DOK6: variants seen among roughly 807,000 people sequenced by gnomAD.
The protein encoded by DOK6 is downstream of tyrosine kinase 6.
A neutral mutation model predicts 44.0 loss-of-function variants in DOK6; 22 were observed. The observed-to-expected ratio is 0.50, with a 90% CI of 0.36 to 0.71. The LOEUF is 0.71. Among genes scored for constraint, DOK6 ranks in the 30% least tolerant of loss-of-function variants. The probability of loss-of-function intolerance (pLI) is 0.00; values close to 1 mark genes in which losing one functional copy is unlikely to be tolerated. For synonymous variants in DOK6, 166 were observed against 145.5 expected, an observed-to-expected ratio of 1.14 and a Z score of -1.01; for missense variants, 340 against 416.4, an observed-to-expected ratio of 0.82 and a Z score of 1.60.
intron 2 of DOK6, among the ~76,000 whole-genome samples, chr18:69,569,828 C>T (rs1300754637): frequency 6.6e-6 from 1 of 151,776 alleles, no homozygotes; most frequent in Non-Finnish European, 1.5e-5. Context: ...AAATGTTGTA[C>T]GTATACACCA....
chr18:69,444,237 C>T (rs928516166), intron 1 of DOK6, among the ~76,000 whole-genome samples: 6 of 152,214 alleles, frequency 3.9e-5, no homozygotes, highest in African/African-American at 1.4e-4. Context: ...GAGAGCACGG[C>T]ACTCATCATT....
intron 1 of DOK6, among the ~76,000 whole-genome samples, chr18:69,440,361 G>C (rs1396596439): frequency 6.6e-6 from 1 of 152,162 alleles, no homozygotes. Context: ...AGCACATGCT[G>C]TTGGAAAAAT....
chr18:69,782,926 T>A (rs2145091122), intron 7 of DOK6, among the ~76,000 whole-genome samples: 1 of 152,364 alleles, frequency 6.6e-6, no homozygotes, highest in South Asian at 2.1e-4. Context: ...GATTCTCATT[T>A]CAGTAGCCAG....
At chr18:69,506,875 GCA>G (rs35233817) in intron 1 of DOK6, among the ~76,000 whole-genome samples, 7 of 149,988 alleles carry the variant, frequency 4.7e-5, no homozygotes, top group Non-Finnish European at 5.9e-5. Flanking sequence ...TGTTGAAAAT[GCA>G]CACACACACA....
At chr18:69,778,425 C>G (rs554469379) in intron 7 of DOK6, among the ~76,000 whole-genome samples, 1 of 152,030 alleles carries the variant, frequency 6.6e-6, no homozygotes, top group Non-Finnish European at 1.5e-5. Flanking sequence ...TCGAAGAGAC[C>G]GAGGCAGTGC....
chr18:69,401,387 A>C, intron 1 of DOK6, 77 bp downstream of exon 1: 1 of 1,378,536 alleles, frequency 7.3e-7, no homozygotes, highest in Non-Finnish European at 9.5e-7. Context: ...GGGCAGGGAG[A>C]GGTGACCCGT....
chr18:69,820,500 A>G (rs575761416), intron 7 of DOK6, among the ~76,000 whole-genome samples: 2 of 152,338 alleles, frequency 1.3e-5, no homozygotes, highest in African/African-American at 4.8e-5. Context: ...ATGAAAAGTA[A>G]CAGAGACATT....
intron 5 of DOK6, among the ~76,000 whole-genome samples, chr18:69,698,878 G>A (rs575128466): frequency 1.3e-3 from 192 of 152,138 alleles, no homozygotes; most frequent in Middle Eastern, 3.4e-3. Flanking sequence ...AATATGTTTT[G>A]CAAGATTATT....
Position 69,546,097 on chromosome 18 carries a change from G to A in DOK6, c.67-18390G>A, listed in dbSNP as rs574014696. ...GTTCGAGACCAGGCTAGCCAACATCGAGAAAACCCATCTCTAATAAAAATA... is the reference window on the plus strand; with the variant it reads ...GTTCGAGACCAGGCTAGCCAACATCAAGAAAACCCATCTCTAATAAAAATA... On this transcript the variant is annotated intron_variant, in intron 1 of 7. Transcript: ENST00000382713. Among the ~76,000 whole-genome samples, 17 of 151,076 alleles carry A rather than the reference G, an allele frequency of 1.1e-4. No individual in the cohort carries two copies. In the East Asian group the frequency reaches 2.3e-3, roughly 21 times the overall value.
intron 2 of DOK6, among the ~76,000 whole-genome samples, chr18:69,598,090 G>A (rs1304783565): frequency 1.3e-5 from 2 of 151,584 alleles, no homozygotes; most frequent in African/African-American, 4.9e-5. Context: ...GTTCTTATTG[G>A]GGATCTTAGT....
intron 1 of DOK6, among the ~76,000 whole-genome samples, chr18:69,494,948 T>C (rs1221321596): frequency 6.6e-6 from 1 of 152,212 alleles, no homozygotes; most frequent in East Asian, 1.9e-4. Flanking sequence ...CTCACACTAC[T>C]GGCCTGGATC....
At chr18:69,607,551 A>G (rs1469497865) in intron 3 of DOK6, among the ~76,000 whole-genome samples, 2 of 152,164 alleles carry the variant, frequency 1.3e-5, no homozygotes, top group African/African-American at 2.4e-5. Context: ...TTAAAATATA[A>G]ACCTCTCCCA....
intron 1 of DOK6, among the ~76,000 whole-genome samples, chr18:69,430,518 C>T (rs1176193776): frequency 6.6e-6 from 1 of 152,100 alleles, no homozygotes; most frequent in Non-Finnish European, 1.5e-5. Flanking sequence ...CAAAATCTCC[C>T]CCGCTTCCTC....
At chr18:69,514,506 T>C (rs1011371) in intron 1 of DOK6, among the ~76,000 whole-genome samples, 54,756 of 151,872 alleles carry the variant, frequency 0.36, 10,579 homozygotes, top group South Asian at 0.45. Context: ...TGAGCTGTAA[T>C]AAATAACTCA....
chr18:69,692,903 T>A (rs991742965), intron 4 of DOK6, among the ~76,000 whole-genome samples: 9 of 152,184 alleles, frequency 5.9e-5, no homozygotes, highest in African/African-American at 2.2e-4. Context: ...TGCCTAGATA[T>A]TTTAATTAAT....
intron 3 of DOK6, among the ~76,000 whole-genome samples, chr18:69,652,870 C>A (rs537265671): frequency 6.6e-6 from 1 of 152,158 alleles, no homozygotes; most frequent in African/African-American, 2.4e-5. Context: ...ATTCTAGCTG[C>A]AAGAAATTGA....
At chr18:69,431,135 GAGAT>G (rs1250446582) in intron 1 of DOK6, among the ~76,000 whole-genome samples, 5 of 152,298 alleles carry the variant, frequency 3.3e-5, no homozygotes, top group African/African-American at 9.6e-5. Context: ...CTAAGGAAAA[GAGAT>G]AGTTATTGCA....
chr18:69,731,145 A>G (rs766683689), intron 5 of DOK6, among the ~76,000 whole-genome samples: 1 of 152,160 alleles, frequency 6.6e-6, no homozygotes, highest in Non-Finnish European at 1.5e-5. Flanking sequence ...GAAAATCTCT[A>G]GAGAAAACTA....
intron 1 of DOK6, among the ~76,000 whole-genome samples, chr18:69,446,658 T>C (rs1375532482): frequency 1.3e-5 from 2 of 152,174 alleles, no homozygotes; most frequent in Non-Finnish European, 2.9e-5. Flanking sequence ...GTTGAACTAG[T>C]TTACAGTCCC....
Sources: allele counts gnomAD v4.1 joint callset (sites outside exome capture counted in the v4.1 genomes callset), GRCh38; gene constraint gnomAD v4.1.1; transcripts MANE v1.5; gene names NCBI Gene and HGNC (gene_info 2026-07-23, HGNC 2026-07-21).